The following BLNK variants were observed in gnomAD, a reference collection of about 807,000 sequenced individuals.
BLNK encodes B cell linker, also known as B-cell linker protein.
Under a neutral mutation model 73.5 loss-of-function variants are expected in BLNK, and 29 were observed. The ratio of observed to expected loss-of-function variants is 0.39; its 90% CI spans 0.29 to 0.54. BLNK has a LOEUF of 0.54. Ranked by LOEUF, BLNK falls within the 20% of genes least tolerant of loss-of-function variation. The probability of loss-of-function intolerance (pLI) is 0.61; values close to 1 mark genes in which losing one functional copy is unlikely to be tolerated. For synonymous variants in BLNK, 176 were observed against 200.8 expected (o/e 0.88, Z 1.04); for missense variants, 460 against 562.8 (o/e 0.82, Z 1.85).
chr10:96,208,974 G>C (rs2083885889), intron 9 of BLNK, among the ~76,000 whole-genome samples: 1 of 152,198 alleles, frequency 6.6e-6, no homozygotes, highest in Non-Finnish European at 1.5e-5. Context: ...GAGCCATTCA[G>C]GCCAGCTTTA....
At chr10:96,230,380 A>G (rs72637510) in intron 4 of BLNK, among the ~76,000 whole-genome samples, 6,701 of 152,160 alleles carry the variant, frequency 0.044, 421 homozygotes, top group East Asian at 0.24. Context: ...TGTGCCAGAC[A>G]CTTATTCTTT....
chr10:96,198,957 C>G (rs1287666067), intron 15 of BLNK, among the ~76,000 whole-genome samples: 1 of 152,196 alleles, frequency 6.6e-6, no homozygotes, highest in Non-Finnish European at 1.5e-5. Context: ...CCTCGGCCCC[C>G]CAAAGTGCTA....
At chr10:96,229,593 G>T (rs1842417007) in intron 4 of BLNK, among the ~76,000 whole-genome samples, 1 of 151,462 alleles carries the variant, frequency 6.6e-6, no homozygotes, top group Admixed American at 6.6e-5. Flanking sequence ...CAGCCAGCTT[G>T]CTCAGTTTTC....
chr10:96,208,238 T>G (rs782561937), intron 9 of BLNK, among the ~76,000 whole-genome samples: 6 of 152,092 alleles, frequency 3.9e-5, no homozygotes, highest in Non-Finnish European at 8.8e-5. Flanking sequence ...CACCTGTCAA[T>G]TGAGGACCAG....
intron 16 of BLNK, among the ~76,000 whole-genome samples, chr10:96,193,318 G>A (rs2083374641): frequency 6.6e-6 from 1 of 152,144 alleles, no homozygotes; most frequent in Admixed American, 6.5e-5. Context: ...GGACTCAAGG[G>A]CCAGAAAACG....
rs2083607376 is a variant in BLNK, at chr10:96,200,632, C to T, written c.1011+350G>A. Among the ~76,000 whole-genome samples, 1 of 152,254 alleles carries T rather than the reference C, an allele frequency of 6.6e-6. No homozygotes were observed. Among genetic ancestry groups the T allele is most frequent in the African/African-American group, 2.4e-5 (1 of 41,464 alleles). On this transcript the variant is annotated intron_variant, in intron 14 of 16. Transcript: ENST00000224337. This position sits in a 1 kb window ranked among gnomAD's most constrained non-coding sequence, Gnocchi z 4.3. ...CCCAAGGGCACACAGAGTCCTTTCT[C>T]TGTCCCTTTATAAACTGTGCTGTCT...
intron 3 of BLNK, among the ~76,000 whole-genome samples, chr10:96,231,055 C>A (rs1842482042): frequency 6.6e-6 from 1 of 152,220 alleles, no homozygotes; most frequent in Non-Finnish European, 1.5e-5. Context: ...CTGGGCAGAG[C>A]AATGTGCGTC....
chr10:96,196,528 C>T (rs587707671), intron 16 of BLNK, among the ~76,000 whole-genome samples: 1 of 152,292 alleles, frequency 6.6e-6, no homozygotes, highest in South Asian at 2.1e-4. Flanking sequence ...GGTAACCTAC[C>T]TTGGTACTTG....
intron 1 of BLNK, among the ~76,000 whole-genome samples, chr10:96,266,837 G>A (rs1844027655): frequency 6.6e-6 from 1 of 152,196 alleles, no homozygotes; most frequent in Non-Finnish European, 1.5e-5. Flanking sequence ...AGCTTGGGTG[G>A]TTTGAGGTAC....
chr10:96,251,786 A>G (rs1843295641), intron 1 of BLNK, among the ~76,000 whole-genome samples: 1 of 152,218 alleles, frequency 6.6e-6, no homozygotes, highest in African/African-American at 2.4e-5. Flanking sequence ...AAGCTTTTGA[A>G]TTAAGACACG....
chr10:96,220,895 T>G (rs2084182387), intron 6 of BLNK, among the ~76,000 whole-genome samples: 1 of 152,234 alleles, frequency 6.6e-6, no homozygotes, highest in South Asian at 2.1e-4. Flanking sequence ...GACTACAGAT[T>G]TGAAAAATAG....
chr10:96,244,268 G>C (rs1211444085), intron 2 of BLNK, among the ~76,000 whole-genome samples: 1 of 152,152 alleles, frequency 6.6e-6, no homozygotes, highest in Non-Finnish European at 1.5e-5. Flanking sequence ...ACAAAACTGG[G>C]TCTGGTGCCC....
intron 5 of BLNK, among the ~76,000 whole-genome samples, chr10:96,226,093 G>T (rs1450127459): frequency 6.6e-6 from 1 of 152,216 alleles, no homozygotes; most frequent in Non-Finnish European, 1.5e-5. Context: ...GGCTTCGGAA[G>T]CTGAGAGCCC....
intron 3 of BLNK, among the ~76,000 whole-genome samples, chr10:96,233,976 G>A (rs1487994877): frequency 6.6e-6 from 1 of 152,202 alleles, no homozygotes; most frequent in Non-Finnish European, 1.5e-5. Context: ...TGTTATAAAA[G>A]TGTATTCTTA....
intron 1 of BLNK, among the ~76,000 whole-genome samples, chr10:96,270,614 A>C (rs77239598): frequency 8.6e-6 from 1 of 116,902 alleles, no homozygotes; most frequent in African/African-American, 6.5e-5. Flanking sequence ...AAAGTATAAT[A>C]AAAAAAAAAA....
At chr10:96,208,847 G>C (rs1173022261) in intron 9 of BLNK, among the ~76,000 whole-genome samples, 1 of 152,174 alleles carries the variant, frequency 6.6e-6, no homozygotes, top group African/African-American at 2.4e-5. Flanking sequence ...TCAGAGAGAC[G>C]AAGTAGTTTG....
chr10:96,258,978 G>T (rs1271214056), intron 1 of BLNK, among the ~76,000 whole-genome samples: 1 of 152,180 alleles, frequency 6.6e-6, no homozygotes, highest in Non-Finnish European at 1.5e-5. Context: ...GAGAAAATTT[G>T]ACTCAGAGAG....
At chr10:96,214,457 C>G (rs1332594758) in intron 8 of BLNK, among the ~76,000 whole-genome samples, 4 of 152,042 alleles carry the variant, frequency 2.6e-5, no homozygotes, top group African/African-American at 4.8e-5. Context: ...AGCCAAGAGG[C>G]AGGGGTATGG....
At chr10:96,259,332 G>A (rs1368632368) in intron 1 of BLNK, among the ~76,000 whole-genome samples, 3 of 152,210 alleles carry the variant, frequency 2.0e-5, no homozygotes, top group Non-Finnish European at 4.4e-5. Flanking sequence ...ACTTTGGGAG[G>A]AAGAGGGAGA....
Sources: allele counts gnomAD v4.1 joint callset (sites outside exome capture counted in the v4.1 genomes callset), GRCh38; gene constraint gnomAD v4.1.1; non-coding constraint Gnocchi (gnomAD v3.1); transcripts MANE v1.5; gene names NCBI Gene and HGNC (gene_info 2026-07-23, HGNC 2026-07-21).